The following SCFD2 variants were observed in gnomAD, a reference collection of about 807,000 sequenced individuals.
SCFD2 encodes the protein sec1 family domain containing 2.
In SCFD2, 54 loss-of-function variants were observed where a neutral mutation model predicts 58.9. That is an observed-to-expected ratio of 0.92 (90% CI 0.74 to 1.15). The LOEUF is 1.15. Ranked by LOEUF, SCFD2 falls within the 50% of genes most tolerant of loss-of-function variation. SCFD2 has a pLI of 0.00. For synonymous variants in SCFD2, 321 were observed against 335.9 expected (o/e 0.96, Z 0.49); for missense variants, 805 against 836.6 (o/e 0.96, Z 0.47).
intron 4 of SCFD2, among the ~76,000 whole-genome samples, chr4:53,200,534 T>A (rs1235872564): frequency 1.3e-5 from 2 of 151,868 alleles, no homozygotes; most frequent in African/African-American, 4.8e-5. Flanking sequence ...AATTACAGAG[T>A]TTTTCCTCTA....
Position 53,365,489 on chromosome 4 carries a change from G to T in SCFD2, c.453C>A (p.Ala151=). The change falls in exon 1 of 9, where the codon GCC becomes GCA. Residue 151 remains alanine, a synonymous_variant. Transcript: ENST00000401642. This position sits in a 1 kb window ranked among gnomAD's most constrained non-coding sequence, Gnocchi z 4.3. The part of the protein sequence containing the change: ...CEWMGNMNYT[A]EVFHVPLLLA... ...GCAATAACGGGACATGGAACACCTCGGCCGTGTAGTTCATGTTGCCCATCC... is the reference window on the plus strand; with the variant it reads ...GCAATAACGGGACATGGAACACCTCTGCCGTGTAGTTCATGTTGCCCATCC... 6.2e-7 allele frequency: 1 copy of T among 1,614,168 alleles called. No homozygotes were observed. The highest frequency in any genetic ancestry group is 8.5e-7 in the Non-Finnish European group (1 of 1,180,038).
At chr4:52,928,523 G>C (rs1577834287) in intron 5 of SCFD2, among the ~76,000 whole-genome samples, 1 of 152,180 alleles carries the variant, frequency 6.6e-6, no homozygotes, top group East Asian at 1.9e-4. Flanking sequence ...TCTAGGTGAG[G>C]TCACAAAAGG....
intron 5 of SCFD2, among the ~76,000 whole-genome samples, chr4:53,011,647 A>G (rs1722095923): frequency 1.3e-5 from 2 of 152,160 alleles, no homozygotes. Context: ...AAATAACTCC[A>G]TTCTTCTCAT....
At chr4:53,337,955 A>G (rs1733734296) in intron 2 of SCFD2, among the ~76,000 whole-genome samples, 1 of 152,196 alleles carries the variant, frequency 6.6e-6, no homozygotes, top group African/African-American at 2.4e-5. Context: ...CAGTCCTTAT[A>G]GGAGGGATAC....
intron 5 of SCFD2, among the ~76,000 whole-genome samples, chr4:53,096,838 A>C (rs1478140774): frequency 2.6e-5 from 4 of 152,146 alleles, no homozygotes; most frequent in Admixed American, 6.5e-5. Flanking sequence ...TAGGGTTTTT[A>C]TGGTTTTAGG....
intron 4 of SCFD2, among the ~76,000 whole-genome samples, chr4:53,253,200 C>T (rs1730464815): frequency 6.6e-6 from 1 of 152,300 alleles, no homozygotes; most frequent in African/African-American, 2.4e-5. Context: ...TACTATCTCC[C>T]ACCAGTTAGA....
At chr4:53,094,481 C>A (rs1366551834) in intron 5 of SCFD2, among the ~76,000 whole-genome samples, 1 of 152,010 alleles carries the variant, frequency 6.6e-6, no homozygotes, top group Non-Finnish European at 1.5e-5. Flanking sequence ...TGGATTATCG[C>A]CCACCTAATG....
At position 52,873,679 on chromosome 4, in the gene SCFD2, A is replaced by G. The variant is rs1199618493; in HGVS notation, c.*290T>C. On this transcript the variant is annotated 3_prime_UTR_variant, in exon 9 of 9. Transcript: ENST00000401642. Reference sequence around the variant, plus strand: ...AATGAACTTGTAGGTGGAATCAGGAAGATCACAAACAGAGGGTTAAGGATA... The same window carrying G: ...AATGAACTTGTAGGTGGAATCAGGAGGATCACAAACAGAGGGTTAAGGATA... 4 of 227,380 alleles carry G rather than the reference A, an allele frequency of 1.8e-5. No homozygotes were observed. The highest frequency in any genetic ancestry group is 3.4e-5 in the Non-Finnish European group (4 of 116,182). 14.1% of individuals were successfully genotyped at this position (227,380 alleles called of 1,614,324 possible).
chr4:53,223,270 T>C (rs1256490401), intron 4 of SCFD2, among the ~76,000 whole-genome samples: 2 of 152,246 alleles, frequency 1.3e-5, no homozygotes, highest in East Asian at 1.9e-4. Context: ...TAATTCATGT[T>C]GAGGTTTAAA....
intron 5 of SCFD2, among the ~76,000 whole-genome samples, chr4:52,998,806 A>C (rs900440686): frequency 6.6e-6 from 1 of 152,226 alleles, no homozygotes; most frequent in African/African-American, 2.4e-5. Context: ...ATAATCAATA[A>C]TAATAATAAT....
chr4:53,273,856 G>T lies in SCFD2; in HGVS notation c.1281C>A (p.Asn427Lys), dbSNP rs1244629366. 6.2e-7 allele frequency: 1 copy of T among 1,613,580 alleles called. No homozygotes were observed. The highest frequency in any genetic ancestry group is 8.5e-7 in the Non-Finnish European group (1 of 1,179,720). ...GAAGGAGCCTTTCAAAAGCCAGAAA[G>T]TTGTCCCACTTGGCAGTCTGTGGGT... Reference protein sequence around the residue: ...LKHPQTAKWDNFLAFERLLLQ... With the variant: ...LKHPQTAKWDKFLAFERLLLQ... Residue 427 changes from asparagine to lysine, a missense_variant, in exon 4 of 9, where the codon AAC (asparagine) becomes AAA (lysine). Around this residue, in one of 3 missense-constraint regions of SCFD2, gnomAD observed 633 missense variants for 646.8 expected, o/e 0.98. Coordinates refer to ENST00000401642, the MANE Select transcript of SCFD2 (RefSeq NM_152540.4).
chr4:52,910,201 T>C (rs1205283639), intron 6 of SCFD2, among the ~76,000 whole-genome samples: 6 of 152,218 alleles, frequency 3.9e-5, no homozygotes, highest in Non-Finnish European at 2.9e-5. Flanking sequence ...AATAGAGTAA[T>C]GTGAGAATTT....
chr4:53,176,631 A>C (rs1368091023), intron 4 of SCFD2, among the ~76,000 whole-genome samples: 3 of 152,214 alleles, frequency 2.0e-5, no homozygotes, highest in African/African-American at 7.2e-5. Flanking sequence ...ACTGTGAGAA[A>C]ACTGACAGTT....
intron 5 of SCFD2, among the ~76,000 whole-genome samples, chr4:53,027,678 A>T (rs1267566820): frequency 6.6e-6 from 1 of 151,756 alleles, no homozygotes; most frequent in Non-Finnish European, 1.5e-5. Context: ...AAATACAAAA[A>T]TTTGCCAGGT....
At chr4:53,175,666 AT>A (rs1727306315) in intron 4 of SCFD2, among the ~76,000 whole-genome samples, 1 of 152,224 alleles carries the variant, frequency 6.6e-6, no homozygotes, top group South Asian at 2.1e-4. Context: ...CATCTTTAAA[AT>A]TGTCTCCATG....
chr4:52,913,218 G>A (rs980728537), intron 6 of SCFD2, among the ~76,000 whole-genome samples: 6 of 151,312 alleles, frequency 4.0e-5, no homozygotes, highest in African/African-American at 9.6e-5. Flanking sequence ...CCCAGGCCAT[G>A]GACCGCTACT....
chr4:53,074,723 CT>C (rs553321546), intron 5 of SCFD2, among the ~76,000 whole-genome samples: 1 of 151,902 alleles, frequency 6.6e-6, no homozygotes, highest in Non-Finnish European at 1.5e-5. Context: ...AAAAAAGGAA[CT>C]TTTTTTTCTG....
At chr4:52,954,109 G>C (rs138480933) in intron 5 of SCFD2, among the ~76,000 whole-genome samples, 4 of 152,308 alleles carry the variant, frequency 2.6e-5, no homozygotes, top group African/African-American at 9.6e-5. Flanking sequence ...AGCAGTGCCT[G>C]GCATAGAGGG....
chr4:53,350,570 G>A (rs1734186439), intron 2 of SCFD2, among the ~76,000 whole-genome samples: 1 of 152,044 alleles, frequency 6.6e-6, no homozygotes, highest in African/African-American at 2.4e-5. Flanking sequence ...TCACTATGTT[G>A]AAAACATAGG....
Sources: gnomAD v4.1 joint callset for allele counts (sites outside exome capture counted in the v4.1 genomes callset) on GRCh38, gnomAD v4.1.1 for gene constraint, gnomAD v4.1.1 regional missense constraint, Gnocchi (gnomAD v3.1) non-coding constraint, MANE v1.5 for transcripts, NCBI Gene and HGNC (gene_info 2026-07-23, HGNC 2026-07-21) for gene names.